MGAT4C: variants seen among roughly 807,000 people sequenced by gnomAD.
MGAT4C encodes MGAT4 family member C.
MGAT4C carries 19 observed loss-of-function variants against 40.1 expected under a neutral mutation model. The ratio of observed to expected loss-of-function variants is 0.47; its 90% CI spans 0.33 to 0.70. MGAT4C has a LOEUF of 0.70. MGAT4C is among the 30% of genes least tolerant of loss of function. The pLI, the probability that MGAT4C is intolerant of heterozygous loss-of-function variation, is 0.02. For missense variants in MGAT4C, 491 were observed against 563.2 expected (o/e 0.87, Z 1.30); for synonymous variants, 181 against 187.1 (o/e 0.97, Z 0.27).
intron 2 of MGAT4C, among the ~76,000 whole-genome samples, chr12:86,436,117 C>T (rs912759692): frequency 5.9e-5 from 9 of 151,788 alleles, no homozygotes; most frequent in African/African-American, 1.2e-4. Flanking sequence ...CCTGGTTAAG[C>T]GTTACCAGCA....
chr12:86,728,050 AT>A (rs1452203876), intron 1 of MGAT4C, among the ~76,000 whole-genome samples: 1 of 152,198 alleles, frequency 6.6e-6, no homozygotes, highest in Admixed American at 6.5e-5. Context: ...TTATTGATAA[AT>A]AAGTTTTATT....
chr12:86,447,021 A>G (rs1197653870), intron 2 of MGAT4C, among the ~76,000 whole-genome samples: 2 of 152,270 alleles, frequency 1.3e-5, no homozygotes, highest in Middle Eastern at 3.4e-3. Flanking sequence ...TTAAAAGATG[A>G]ACAATACGAA....
chr12:86,345,159 C>T (rs1955001554), intron 3 of MGAT4C, among the ~76,000 whole-genome samples: 2 of 152,058 alleles, frequency 1.3e-5, no homozygotes, highest in South Asian at 4.1e-4. Flanking sequence ...GAACATCATA[C>T]ATAAAGCTGT....
At chr12:86,679,860 G>C (rs1949948953) in intron 2 of MGAT4C, among the ~76,000 whole-genome samples, 1 of 151,980 alleles carries the variant, frequency 6.6e-6, no homozygotes, top group Non-Finnish European at 1.5e-5. Context: ...TTTTGTTATC[G>C]TAGCCAGAAA....
chr12:86,230,191 T>G (rs1425668750), intron 1 of MGAT4C, among the ~76,000 whole-genome samples: 1 of 152,090 alleles, frequency 6.6e-6, no homozygotes, highest in Non-Finnish European at 1.5e-5. Flanking sequence ...TTATCACTTG[T>G]TACAAAGTAG....
rs1418408805 is a variant in MGAT4C, at chr12:85,958,767, CTAAA to C, written c.*20518_*20521del. The C allele has an allele frequency of 5.3e-5, 8 of 151,728 alleles. No individual in the cohort carries two copies. Among genetic ancestry groups the C allele is most frequent in the Admixed American group, 2.6e-4 (4 of 15,216 alleles). The allele number at this position is 151,728 out of a possible 1,614,324, so 9.4% of individuals were successfully genotyped here. A position where few individuals can be genotyped will look rare whatever the true frequency, so the allele number is the denominator to read the frequency against. Reference sequence around the variant, plus strand: ...AAATTAATAAAAAGATTAACTGTTACTAAATTAAAGCTCCTTCAAAAACATAAAT... The same window carrying C: ...AAATTAATAAAAAGATTAACTGTTACTTAAAGCTCCTTCAAAAACATAAAT... On this transcript the variant is annotated 3_prime_UTR_variant, in exon 5 of 5. Coordinates refer to ENST00000611864, the MANE Select transcript of MGAT4C (RefSeq NM_001351288.2).
At chr12:86,673,982 T>A (rs1395606207) in intron 2 of MGAT4C, among the ~76,000 whole-genome samples, 1 of 152,030 alleles carries the variant, frequency 6.6e-6, no homozygotes, top group Non-Finnish European at 1.5e-5. Flanking sequence ...GGCATTGCAC[T>A]AAAGTGTAAT....
chr12:86,635,262 A>T (rs1272038781), intron 2 of MGAT4C, among the ~76,000 whole-genome samples: 3 of 152,096 alleles, frequency 2.0e-5, no homozygotes, highest in South Asian at 2.1e-4. Flanking sequence ...TTATAACCTC[A>T]TGAAGGTGAA....
intron 2 of MGAT4C, among the ~76,000 whole-genome samples, chr12:86,460,607 G>A (rs1957583064): frequency 6.6e-6 from 1 of 152,024 alleles, no homozygotes; most frequent in Admixed American, 6.5e-5. Flanking sequence ...GATAGCATGT[G>A]TGTGTCTGTA....
chr12:86,807,736 T>G (rs1952386174), intron 1 of MGAT4C, among the ~76,000 whole-genome samples: 1 of 152,072 alleles, frequency 6.6e-6, no homozygotes, highest in South Asian at 2.1e-4. Context: ...ATTTACATTC[T>G]CACCAACAGT....
chr12:86,052,374 C>A (rs1892978033), intron 1 of MGAT4C, among the ~76,000 whole-genome samples: 1 of 151,716 alleles, frequency 6.6e-6, no homozygotes, highest in Non-Finnish European at 1.5e-5. Context: ...CAAAACCTAA[C>A]AAGTGAAAGT....
intron 1 of MGAT4C, among the ~76,000 whole-genome samples, chr12:86,733,707 A>C (rs1277541614): frequency 2.6e-5 from 4 of 152,036 alleles, no homozygotes; most frequent in African/African-American, 7.2e-5. Context: ...ACTTTCCAGA[A>C]GTTAAACCAA....
rs760462518 is a variant in MGAT4C at position 85,961,707 on chromosome 12, C to T, written c.*17582G>A. 27 of 151,782 alleles carry T rather than the reference C, an allele frequency of 1.8e-4. No individual in the cohort carries two copies. The highest frequency in any genetic ancestry group is 3.4e-4 in the Non-Finnish European group (23 of 67,766). 9.4% of individuals were successfully genotyped at this position (151,782 alleles called of 1,614,324 possible). ...TCCAATTTATTTGAATTTTTCTGGC[C>T]TAACCTTGTTGGCATGAGAGTTCCC... On this transcript the variant is annotated 3_prime_UTR_variant, in exon 5 of 5. Transcript: ENST00000611864.
intron 3 of MGAT4C, among the ~76,000 whole-genome samples, chr12:86,363,281 T>C (rs1955523146): frequency 6.6e-6 from 1 of 152,034 alleles, no homozygotes; most frequent in Non-Finnish European, 1.5e-5. Context: ...AGACTTAAAT[T>C]TAGAAGAATT....
rs2135783836 is a variant in MGAT4C at position 86,155,777 on chromosome 12, T to C, written c.-57+100462A>G. On this transcript the variant is annotated intron_variant, in intron 1 of 4. Coordinates refer to ENST00000611864, the MANE Select transcript of MGAT4C (RefSeq NM_001351288.2). ...TGTATGTACATATACACACAAATTA[T>C]GGTGAAAAAAAGGTAAGAAAAAATA... is the stretch of plus-strand genomic sequence containing the variant. 1.3e-5 allele frequency among the ~76,000 whole-genome samples: 2 copies of C among 152,242 alleles called. 1 individual carries two copies.
chr12:86,765,238 A>C (rs1382613629), intron 1 of MGAT4C, among the ~76,000 whole-genome samples: 2 of 152,254 alleles, frequency 1.3e-5, no homozygotes, highest in African/African-American at 4.8e-5. Context: ...TCAGGAGCTA[A>C]TGCAATCAAC....
chr12:86,834,891 T>G (rs1305994223), intron 1 of MGAT4C, among the ~76,000 whole-genome samples: 2 of 151,948 alleles, frequency 1.3e-5, no homozygotes, highest in Non-Finnish European at 2.9e-5. Flanking sequence ...TACTTGCTTT[T>G]GTGTCCACAT....
chr12:86,218,122 GA>G (rs923136987), intron 1 of MGAT4C, among the ~76,000 whole-genome samples: 5 of 148,714 alleles, frequency 3.4e-5, no homozygotes, highest in African/African-American at 1.2e-4. Flanking sequence ...TAGGTCATTG[GA>G]AAAAAAAAGA....
chr12:86,445,914 A>G (rs759718434), intron 2 of MGAT4C, among the ~76,000 whole-genome samples: 14 of 152,172 alleles, frequency 9.2e-5, no homozygotes, highest in Non-Finnish European at 1.8e-4. Context: ...AGAGGTACAA[A>G]ATAATCTTTC....
Sources: allele counts gnomAD v4.1 joint callset (sites outside exome capture counted in the v4.1 genomes callset), GRCh38; gene constraint gnomAD v4.1.1; transcripts MANE v1.5; gene names NCBI Gene and HGNC (gene_info 2026-07-23, HGNC 2026-07-21).